BCAT1: variants seen among roughly 807,000 people sequenced by gnomAD.
BCAT1 encodes the protein branched-chain-amino-acid aminotransferase, cytosolic.
In BCAT1, 48 loss-of-function variants were observed where a neutral mutation model predicts 52.4. The ratio of observed to expected loss-of-function variants is 0.92; its 90% CI spans 0.73 to 1.16. The LOEUF (loss-of-function observed/expected upper bound fraction) is 1.16. BCAT1 is among the 50% of genes most tolerant of loss of function. BCAT1 has a pLI of 0.00. For missense variants in BCAT1, 451 were observed against 457.1 expected (o/e 0.99, Z 0.12); for synonymous variants, 167 against 161.3 (o/e 1.04, Z -0.27).
intron 5 of BCAT1, among the ~76,000 whole-genome samples, chr12:24,876,124 G>A (rs536975326): frequency 1.3e-5 from 2 of 152,004 alleles, no homozygotes; most frequent in East Asian, 3.9e-4. Context: ...AGAATGGTAT[G>A]TGTACTCAAA....
At chr12:24,868,131 A>G (rs61914869) in intron 5 of BCAT1, among the ~76,000 whole-genome samples, 9,986 of 152,354 alleles carry the variant, frequency 0.066, 447 homozygotes, top group East Asian at 0.15. Flanking sequence ...AGATTCCCTC[A>G]GAAAACGTAC....
intron 10 of BCAT1, among the ~76,000 whole-genome samples, chr12:24,828,587 C>T (rs1425885632): frequency 6.6e-6 from 1 of 151,982 alleles, no homozygotes; most frequent in East Asian, 1.9e-4. Flanking sequence ...TTCAATTAAA[C>T]TTTATAAATG....
intron 3 of BCAT1, among the ~76,000 whole-genome samples, chr12:24,885,072 A>C (rs1015485494): frequency 7.9e-5 from 12 of 152,212 alleles, no homozygotes; most frequent in Non-Finnish European, 8.8e-5. Context: ...GAATATGTAC[A>C]ACCAGTATAA....
chr12:24,911,092 A>T (rs1943317705), intron 1 of BCAT1, among the ~76,000 whole-genome samples: 2 of 151,470 alleles, frequency 1.3e-5, no homozygotes, highest in African/African-American at 4.9e-5. Context: ...ACAGAGTGAG[A>T]CTGTCTTAAA....
intron 1 of BCAT1, among the ~76,000 whole-genome samples, chr12:24,934,092 C>T (rs1442549857): frequency 6.6e-6 from 1 of 152,168 alleles, no homozygotes; most frequent in Non-Finnish European, 1.5e-5. Flanking sequence ...AAGCTCCCAG[C>T]TTGCTTGTCT....
intron 1 of BCAT1, among the ~76,000 whole-genome samples, chr12:24,936,836 G>T (rs181192230): frequency 6.6e-6 from 1 of 151,010 alleles, no homozygotes; most frequent in East Asian, 1.9e-4. Flanking sequence ...TTATAAAGAC[G>T]CTACTGATTA....
intron 3 of BCAT1, among the ~76,000 whole-genome samples, chr12:24,884,981 G>A (rs1488552672): frequency 1.4e-5 from 2 of 147,896 alleles, no homozygotes; most frequent in African/African-American, 5.0e-5. Context: ...GCTCGCAAAC[G>A]TTATACTTAA....
Position 24,878,512 on chromosome 12 carries a change from T to C in BCAT1, c.510+18A>G. On this transcript the variant is annotated intron_variant, in intron 5 of 10. Transcript: ENST00000261192. ...ACTTGCCCAGCAAAGTACCCCAAAA[T>C]AAAGAGTCAGTTTGCACCTCAGTTC... 4 of 1,597,098 alleles carry C rather than the reference T, an allele frequency of 2.5e-6. No individual in the cohort carries two copies. Among genetic ancestry groups the C allele is most frequent in the Non-Finnish European group, 3.4e-6 (4 of 1,173,218 alleles).
intron 1 of BCAT1, chr12:24,902,187 CA>C (rs1423181264): frequency 2.1e-6 from 3 of 1,432,252 alleles, no homozygotes; most frequent in Admixed American, 2.9e-5. Context: ...CGGCAAAGAA[CA>C]AAAAAACAAT....
At position 24,813,588 on chromosome 12, in the gene BCAT1, A is replaced by G. The variant is rs1036411249; in HGVS notation, c.*4420T>C. 2.0e-5 allele frequency: 3 copies of G among 152,044 alleles called. No individual in the cohort carries two copies. Among genetic ancestry groups the G allele is most frequent in the Non-Finnish European group, 2.9e-5 (2 of 67,914 alleles). 9.4% of individuals were successfully genotyped at this position (152,044 alleles called of 1,614,324 possible). On this transcript the variant is annotated 3_prime_UTR_variant, in exon 11 of 11. Coordinates refer to ENST00000261192, the MANE Select transcript of BCAT1 (RefSeq NM_005504.7). ...CACCATGATAACTCAACATTGTTTG[A>G]AAAGAATTCAGTCAACACATGTACT...
At chr12:24,898,862 T>C (rs1225500216) in intron 2 of BCAT1, among the ~76,000 whole-genome samples, 1 of 152,156 alleles carries the variant, frequency 6.6e-6, no homozygotes. Flanking sequence ...TGCTCTTCTC[T>C]TCATTGGCCA....
At position 24,837,792 on chromosome 12, in the gene BCAT1, C is replaced by T. The variant is rs574748514; in HGVS notation, c.818-1196G>A. Among the ~76,000 whole-genome samples the T allele has an allele frequency of 3.3e-5, 5 of 152,216 alleles. No homozygotes were observed. In the South Asian group the frequency reaches 8.3e-4, roughly 25 times the overall value. On this transcript the variant is annotated intron_variant, in intron 7 of 10. Transcript: ENST00000261192. ...TCAGCAACAAGTATGGAGATGCTGC[C>T]TTTGCTCTCTGAGATTCAAATGTAA... is the stretch of plus-strand genomic sequence containing the variant.
intron 5 of BCAT1, among the ~76,000 whole-genome samples, chr12:24,873,011 G>A (rs1037051547): frequency 2.6e-5 from 4 of 152,140 alleles, no homozygotes; most frequent in African/African-American, 4.8e-5. Context: ...CAGAATCCCC[G>A]AGGAAATAAA....
At chr12:24,846,776 T>A (rs1015744296) in intron 6 of BCAT1, among the ~76,000 whole-genome samples, 1 of 152,156 alleles carries the variant, frequency 6.6e-6, no homozygotes, top group Non-Finnish European at 1.5e-5. Context: ...AGAGAAATAC[T>A]CCAAAATTTG....
At chr12:24,871,292 T>C (rs1942178812) in intron 5 of BCAT1, among the ~76,000 whole-genome samples, 1 of 152,176 alleles carries the variant, frequency 6.6e-6, no homozygotes, top group African/African-American at 2.4e-5. Flanking sequence ...ACTGGAGCAT[T>C]GTGTGAGGTA....
chr12:24,862,778 A>G (rs2139523108), intron 5 of BCAT1, among the ~76,000 whole-genome samples: 1 of 152,234 alleles, frequency 6.6e-6, no homozygotes, highest in East Asian at 1.9e-4. Context: ...TAGGACTGCC[A>G]GAACTAGAGG....
At chr12:24,856,244 A>G (rs1407604341) in intron 5 of BCAT1, among the ~76,000 whole-genome samples, 1 of 152,104 alleles carries the variant, frequency 6.6e-6, no homozygotes, top group Non-Finnish European at 1.5e-5. Flanking sequence ...ACTGGGTGAA[A>G]TAGCCTTCAC....
upstream of BCAT1, chr12:24,949,192 G>A (rs928800086): frequency 7.5e-6 from 4 of 534,436 alleles, no homozygotes; most frequent in Non-Finnish European, 1.3e-5. Context: ...GCCCCCAGAT[G>A]GTGGAGTCTC....
intron 2 of BCAT1, among the ~76,000 whole-genome samples, chr12:24,898,350 T>C (rs1943007299): frequency 6.6e-6 from 1 of 152,042 alleles, no homozygotes; most frequent in Non-Finnish European, 1.5e-5. Flanking sequence ...CAATAACTGA[T>C]TGTGAAATGG....
Sources: gnomAD v4.1 joint callset for allele counts (sites outside exome capture counted in the v4.1 genomes callset) on GRCh38, gnomAD v4.1.1 for gene constraint, MANE v1.5 for transcripts, NCBI Gene and HGNC (gene_info 2026-07-23, HGNC 2026-07-21) for gene names.